The following ZFHX3 variants were observed in gnomAD, a reference collection of about 807,000 sequenced individuals.
The protein encoded by ZFHX3 is zinc finger homeobox 3.
A neutral mutation model predicts 279.1 loss-of-function variants in ZFHX3; 42 were observed. The ratio of observed to expected loss-of-function variants is 0.15; its 90% CI spans 0.12 to 0.19. ZFHX3 has a LOEUF of 0.19. Among genes scored for constraint, ZFHX3 ranks in the 10% least tolerant of loss-of-function variants. The pLI, the probability that ZFHX3 is intolerant of heterozygous loss-of-function variation, is 1.00. For missense variants in ZFHX3, 4,981 were observed against 4,754.0 expected (o/e 1.05, Z -1.40); for synonymous variants, 2,293 against 1,957.8 (o/e 1.17, Z -4.52).
chr16:73,396,761 G>A (rs2017138360), intron 3 of ZFHX3, among the ~76,000 whole-genome samples: 1 of 152,144 alleles, frequency 6.6e-6, no homozygotes. Context: ...TCCCTCCCTC[G>A]ACATGTAGGG....
chr16:72,853,398 C>T (rs770926841), intron 4 of ZFHX3, among the ~76,000 whole-genome samples: 2 of 152,224 alleles, frequency 1.3e-5, no homozygotes, highest in Non-Finnish European at 2.9e-5. Flanking sequence ...AAACTAATTA[C>T]TCAGATTCTG....
chr16:73,664,313 T>C (rs2052813887), intron 2 of ZFHX3, among the ~76,000 whole-genome samples: 1 of 152,160 alleles, frequency 6.6e-6, no homozygotes, highest in Non-Finnish European at 1.5e-5. Flanking sequence ...AACAAAGAAC[T>C]ACCATAAATG....
chr16:73,392,470 A>G (rs555570964), intron 3 of ZFHX3, among the ~76,000 whole-genome samples: 1 of 151,160 alleles, frequency 6.6e-6, no homozygotes, highest in African/African-American at 2.4e-5. Flanking sequence ...TAGCAACAAA[A>G]GCATTTTATT....
intron 1 of ZFHX3, among the ~76,000 whole-genome samples, chr16:73,785,089 A>G (rs2142308427): frequency 6.6e-6 from 1 of 152,302 alleles, no homozygotes; most frequent in South Asian, 2.1e-4. Flanking sequence ...TACAATTTGT[A>G]AGTACATCAT....
chr16:73,496,053 C>T (rs1043946072), intron 2 of ZFHX3, among the ~76,000 whole-genome samples: 1 of 152,202 alleles, frequency 6.6e-6, no homozygotes, highest in African/African-American at 2.4e-5. Context: ...TGCAGACTCG[C>T]ACACACGGAG....
intron 2 of ZFHX3, among the ~76,000 whole-genome samples, chr16:73,617,265 G>C (rs2052314494): frequency 1.3e-5 from 2 of 152,170 alleles, no homozygotes; most frequent in Non-Finnish European, 2.9e-5. Flanking sequence ...CCACGCGGTG[G>C]CTGACTTCTG....
At chr16:73,620,641 AATTG>A (rs2143902506) in intron 2 of ZFHX3, among the ~76,000 whole-genome samples, 1 of 152,326 alleles carries the variant, frequency 6.6e-6, no homozygotes. Context: ...CCAAGTTCAG[AATTG>A]ATTCTTTTCC....
intron 1 of ZFHX3, among the ~76,000 whole-genome samples, chr16:73,031,059 A>G (rs1964680579): frequency 6.6e-6 from 1 of 152,124 alleles, no homozygotes; most frequent in South Asian, 2.1e-4. Context: ...CAATCCATAA[A>G]AAGATTTCTT....
chr16:73,495,977 G>A (rs1354538472), intron 2 of ZFHX3, among the ~76,000 whole-genome samples: 1 of 152,200 alleles, frequency 6.6e-6, no homozygotes, highest in African/African-American at 2.4e-5. Flanking sequence ...CGTAGAGCAC[G>A]ATTTATGGAG....
At position 73,362,706 on chromosome 16, in the gene ZFHX3, C is replaced by T. The variant is rs1597301726; in HGVS notation, c.-1290-44370G>A. Among the ~76,000 whole-genome samples, 7 of 152,384 alleles carry T rather than the reference C, an allele frequency of 4.6e-5. No homozygotes were observed. The South Asian group carries it at 1.4e-3, about 32-fold the overall frequency. ...GCCCACCAGCCAGTGGCACTGTCCT[C>T]ATGACTGTATAGTTATGAAGCCATC... On this transcript the variant is annotated intron_variant, in intron 3 of 17. Transcript: ENST00000641206.
chr16:73,554,638 G>A (rs1291309997), intron 2 of ZFHX3: 1 of 152,110 alleles, frequency 6.6e-6, no homozygotes, highest in Non-Finnish European at 1.5e-5. Context: ...GCTAATTTCT[G>A]GCTTTCACAG....
chr16:73,338,792 A>AGG (rs1383092016), intron 3 of ZFHX3, among the ~76,000 whole-genome samples: 1 of 152,116 alleles, frequency 6.6e-6, no homozygotes, highest in Non-Finnish European at 1.5e-5. Context: ...GTGTTATAGG[A>AGG]GGGGCCTGGT....
chr16:73,045,816 T>TGGGG (rs1965278400), intron 1 of ZFHX3, among the ~76,000 whole-genome samples: 18 of 136,866 alleles, frequency 1.3e-4, no homozygotes, highest in Admixed American at 2.2e-4. Flanking sequence ...GGGGGGGGGT[T>TGGGG]GTTGAGAGAG....
At chr16:73,042,596 TA>T (rs1406836902) in intron 1 of ZFHX3, among the ~76,000 whole-genome samples, 10 of 150,886 alleles carry the variant, frequency 6.6e-5, no homozygotes, top group Non-Finnish European at 1.5e-4. Flanking sequence ...CCCTACTCAA[TA>T]ACTAACACCC....
intron 2 of ZFHX3, among the ~76,000 whole-genome samples, chr16:73,601,777 A>G (rs1296264277): frequency 1.1e-4 from 16 of 152,232 alleles, no homozygotes; most frequent in Admixed American, 1.0e-3. Flanking sequence ...GCCATCTAGA[A>G]AATAATGTTA....
chr16:73,508,323 G>C (rs1567504658), intron 2 of ZFHX3, among the ~76,000 whole-genome samples: 1 of 152,138 alleles, frequency 6.6e-6, no homozygotes, highest in Non-Finnish European at 1.5e-5. Flanking sequence ...TTTTGTTGCT[G>C]TTCCTCTTTA....
intron 3 of ZFHX3, among the ~76,000 whole-genome samples, chr16:73,439,113 T>A (rs1178353348): frequency 6.6e-6 from 1 of 152,206 alleles, no homozygotes; most frequent in Non-Finnish European, 1.5e-5. Context: ...AGAACCTAGC[T>A]TTCTCTTTCC....
At chr16:73,302,037 G>C (rs1398312832) in intron 4 of ZFHX3, among the ~76,000 whole-genome samples, 3 of 151,922 alleles carry the variant, frequency 2.0e-5, no homozygotes, top group East Asian at 3.9e-4. Flanking sequence ...TCTCATTCCA[G>C]GTAGTGTTGA....
At chr16:72,943,341 C>A (rs545895462) in intron 3 of ZFHX3, among the ~76,000 whole-genome samples, 3 of 152,268 alleles carry the variant, frequency 2.0e-5, no homozygotes, top group Admixed American at 2.0e-4. Flanking sequence ...TGAGACCAGC[C>A]TGGCCACCAT....
Sources: gnomAD v4.1 joint callset for allele counts (sites outside exome capture counted in the v4.1 genomes callset) on GRCh38, gnomAD v4.1.1 for gene constraint, MANE v1.5 for transcripts, NCBI Gene and HGNC (gene_info 2026-07-23, HGNC 2026-07-21) for gene names.